The following CMTR1 variants were observed in gnomAD, a reference collection of about 807,000 sequenced individuals.
CMTR1 encodes the protein cap methyltransferase 1, also known as cap-specific mRNA (nucleoside-2'-O-)-methyltransferase 1.
A neutral mutation model predicts 107.0 loss-of-function variants in CMTR1; 39 were observed. That is an observed-to-expected ratio of 0.36 (90% confidence interval 0.28 to 0.48). The LOEUF (loss-of-function observed/expected upper bound fraction) is 0.48, where lower values mean the gene tolerates loss of function less well. Ranked by LOEUF, CMTR1 falls within the 20% of genes least tolerant of loss-of-function variation. CMTR1 has a pLI of 0.99. For missense variants in CMTR1, 672 were observed against 1,064.9 expected (o/e 0.63, Z 5.14); for synonymous variants, 366 against 379.5 (o/e 0.96, Z 0.41).
intron 3 of CMTR1, among the ~76,000 whole-genome samples, chr6:37,444,788 G>C (rs535328062): frequency 1.3e-5 from 2 of 152,252 alleles, no homozygotes; most frequent in African/African-American, 4.8e-5. Context: ...ACTTTGGGAG[G>C]CTGAGGCAGG....
chr6:37,471,489 G>T (rs1055926417), intron 14 of CMTR1, among the ~76,000 whole-genome samples: 13 of 152,198 alleles, frequency 8.5e-5, no homozygotes, highest in African/African-American at 3.1e-4. Flanking sequence ...GTGACATCCA[G>T]TGGGATGGGT....
chr6:37,456,977 G>C (rs928627203), intron 8 of CMTR1, among the ~76,000 whole-genome samples: 3 of 151,968 alleles, frequency 2.0e-5, no homozygotes, highest in African/African-American at 7.3e-5. Flanking sequence ...TTCCAACACT[G>C]TGGGAGGCTG....
chr6:37,480,094 C>T lies in CMTR1; in HGVS notation c.2457C>T (p.Asp819=), dbSNP rs767641160. Residue 819 remains aspartate, a synonymous_variant, in exon 24 of 24, where the codon GAC becomes GAT. Coordinates refer to ENST00000373451, the MANE Select transcript of CMTR1 (RefSeq NM_015050.3). ...VHDSQKPQDQ[D]KLSKEDVLSF... ...ACTCCCAGAAGCCCCAGGACCAGGA[C>T]AAGCTGTCCAAGGAGGACGTCCTCT... 4.4e-6 allele frequency: 7 copies of T among 1,594,896 alleles called. No individual in the cohort carries two copies. The highest frequency in any genetic ancestry group is 6.0e-6 in the Non-Finnish European group (7 of 1,172,214).
chr6:37,469,416 G>A (rs1405775318), intron 13 of CMTR1, among the ~76,000 whole-genome samples: 1 of 145,522 alleles, frequency 6.9e-6, no homozygotes, highest in Non-Finnish European at 1.5e-5. Flanking sequence ...GGTTTTCTTT[G>A]TATTTATTCT....
At chr6:37,434,444 A>G (rs1041834707) in intron 1 of CMTR1, among the ~76,000 whole-genome samples, 1 of 152,082 alleles carries the variant, frequency 6.6e-6, no homozygotes, top group Non-Finnish European at 1.5e-5. Flanking sequence ...TCTACAGCCA[A>G]TCAGTTGTGT....
chr6:37,474,487 A>C (rs956849123), intron 17 of CMTR1, 37 bp from the exon 18 acceptor site: 1 of 1,608,702 alleles, frequency 6.2e-7, no homozygotes, highest in African/African-American at 1.3e-5. Flanking sequence ...CTCGATCTCC[A>C]TGCCTTCCTT....
intron 19 of CMTR1, chr6:37,475,885 C>A: frequency 1.8e-6 from 1 of 543,234 alleles, no homozygotes; most frequent in East Asian, 3.2e-5. Context: ...AGGCACACTT[C>A]AGGAAAACCA....
At chr6:37,447,248 C>A (rs1188079518) in intron 4 of CMTR1, among the ~76,000 whole-genome samples, 1 of 152,118 alleles carries the variant, frequency 6.6e-6, no homozygotes, top group Non-Finnish European at 1.5e-5. Flanking sequence ...TTATTTGTCT[C>A]CCTAATGTTC....
intron 1 of CMTR1, among the ~76,000 whole-genome samples, chr6:37,434,969 A>G (rs1771494084): frequency 6.6e-6 from 1 of 151,990 alleles, no homozygotes; most frequent in Non-Finnish European, 1.5e-5. Context: ...TGTTTTCGTA[A>G]CTGAGTTCTG....
intron 2 of CMTR1, among the ~76,000 whole-genome samples, chr6:37,439,447 G>C (rs950859176): frequency 2.0e-5 from 3 of 152,148 alleles, no homozygotes; most frequent in Non-Finnish European, 4.4e-5. Context: ...AAGTTGCCAG[G>C]CTCCTTCACC....
At chr6:37,452,859 AC>A (rs1439702984) in intron 6 of CMTR1, among the ~76,000 whole-genome samples, 187 bp from the exon 7 acceptor site, 2 of 151,562 alleles carry the variant, frequency 1.3e-5, no homozygotes, top group Non-Finnish European at 2.9e-5. Context: ...TTTTTTTTTA[AC>A]CAATTTACCG....
At chr6:37,439,474 C>G (rs1015421065) in intron 2 of CMTR1, among the ~76,000 whole-genome samples, 1 of 152,194 alleles carries the variant, frequency 6.6e-6, no homozygotes. Flanking sequence ...ACATTAAAGG[C>G]GCCTTCCTCT....
intron 13 of CMTR1, among the ~76,000 whole-genome samples, chr6:37,467,124 A>G (rs1761527022): frequency 6.6e-6 from 1 of 152,170 alleles, no homozygotes; most frequent in South Asian, 2.1e-4. Flanking sequence ...CCAAGATCGC[A>G]CCACTGCCCT....
chr6:37,457,099 G>T (rs1761310557), intron 8 of CMTR1, among the ~76,000 whole-genome samples: 1 of 151,710 alleles, frequency 6.6e-6, no homozygotes, highest in Admixed American at 6.6e-5. Flanking sequence ...GTGTGTCAGG[G>T]GTCCCAGCTA....
intron 2 of CMTR1, among the ~76,000 whole-genome samples, chr6:37,439,657 G>C (rs1338432501): frequency 6.6e-6 from 1 of 152,144 alleles, no homozygotes; most frequent in Admixed American, 6.5e-5. Flanking sequence ...CTTTAAGTAG[G>C]AATGAGTTTA....
chr6:37,448,580 T>A (rs1222797486), intron 4 of CMTR1, among the ~76,000 whole-genome samples: 8 of 152,230 alleles, frequency 5.3e-5, no homozygotes. Flanking sequence ...GACAAAAGGC[T>A]TCAGTAATTT....
At chr6:37,430,028 A>G (rs1441499445), upstream of CMTR1, among the ~76,000 whole-genome samples, 1 of 152,210 alleles carries the variant, frequency 6.6e-6, no homozygotes, top group Non-Finnish European at 1.5e-5. Context: ...ATGGAGGCAG[A>G]TTTAAGCCAA....
the CMTR1 span, among the ~76,000 whole-genome samples, chr6:37,426,506 G>A: frequency 1.3e-5 from 2 of 150,978 alleles, no homozygotes; most frequent in African/African-American, 4.9e-5. Flanking sequence ...CCAAGGATGA[G>A]CCTGAGGTAT....
At chr6:37,453,907 C>T (rs1761236108) in intron 8 of CMTR1, among the ~76,000 whole-genome samples, 1 of 152,184 alleles carries the variant, frequency 6.6e-6, no homozygotes, top group Admixed American at 6.5e-5. Flanking sequence ...TTTGTCCCAG[C>T]ACTAAGACTG....
Sources: allele counts gnomAD v4.1 joint callset (sites outside exome capture counted in the v4.1 genomes callset), GRCh38; gene constraint gnomAD v4.1.1; transcripts MANE v1.5; gene names NCBI Gene and HGNC (gene_info 2026-07-23, HGNC 2026-07-21).